The following B4GALT6 variants were observed in gnomAD, a reference collection of about 807,000 sequenced individuals.
B4GALT6 encodes UDP-Gal:beta-GlcNAc beta-1,4-galactosyltransferase 6.
A neutral mutation model predicts 46.3 loss-of-function variants in B4GALT6; 14 were observed. The ratio of observed to expected loss-of-function variants is 0.30; its 90% CI spans 0.20 to 0.47. B4GALT6 has a LOEUF of 0.47. B4GALT6 is among the 20% of genes least tolerant of loss of function. The probability of loss-of-function intolerance (pLI) is 0.99; values close to 1 mark genes in which losing one functional copy is unlikely to be tolerated. For synonymous variants in B4GALT6, 168 were observed against 162.0 expected (o/e 1.04, Z -0.28); for missense variants, 386 against 480.1 (o/e 0.80, Z 1.83).
the B4GALT6 span, among the ~76,000 whole-genome samples, chr18:31,700,026 A>C: frequency 6.6e-6 from 1 of 152,204 alleles, no homozygotes; most frequent in African/African-American, 2.4e-5. Flanking sequence ...AAAACAGGCA[A>C]AACTAATCTA....
chr18:31,671,743 A>C (rs571525995), intron 1 of B4GALT6, among the ~76,000 whole-genome samples: 2 of 152,298 alleles, frequency 1.3e-5, no homozygotes, highest in Admixed American at 1.3e-4. Flanking sequence ...ATTTATAAGA[A>C]ACCCTCATTT....
chr18:31,694,496 G>A, the B4GALT6 span, among the ~76,000 whole-genome samples: 13 of 152,224 alleles, frequency 8.5e-5, no homozygotes, highest in Admixed American at 5.9e-4. Context: ...AAGAACAATC[G>A]CTCAGAGTCT....
intron 3 of B4GALT6, 51 bp from the exon 4 acceptor site, chr18:31,645,530 T>A: frequency 1.3e-6 from 2 of 1,565,442 alleles, no homozygotes; most frequent in Non-Finnish European, 1.7e-6. Context: ...GCCTCAAAGA[T>A]CTAGTAGAAC....
At chr18:31,629,592 G>A (rs1032144981) in intron 6 of B4GALT6, among the ~76,000 whole-genome samples, 65 of 149,822 alleles carry the variant, frequency 4.3e-4, no homozygotes, top group African/African-American at 1.6e-3. Flanking sequence ...GCTCATGCCT[G>A]TAATCCCAGC....
upstream of B4GALT6, chr18:31,684,606 G>C: frequency 1.7e-6 from 2 of 1,200,736 alleles, no homozygotes; most frequent in Non-Finnish European, 2.1e-6. Flanking sequence ...CGGACGGAAT[G>C]AATGGGAGGC....
intron 5 of B4GALT6, among the ~76,000 whole-genome samples, 185 bp from the exon 6 acceptor site, chr18:31,631,331 T>G (rs1215460118): frequency 6.6e-6 from 1 of 151,912 alleles, no homozygotes; most frequent in East Asian, 1.9e-4. Flanking sequence ...GGATTGCAGG[T>G]GTGAGCCACC....
intron 5 of B4GALT6, among the ~76,000 whole-genome samples, chr18:31,636,115 G>GA (rs2073855414): frequency 6.6e-6 from 1 of 152,198 alleles, no homozygotes; most frequent in South Asian, 2.1e-4. Flanking sequence ...ACAACTAAAC[G>GA]AAACTTCACT....
chr18:31,719,954 G>T, the B4GALT6 span, among the ~76,000 whole-genome samples: 1 of 152,206 alleles, frequency 6.6e-6, no homozygotes, highest in Non-Finnish European at 1.5e-5. Flanking sequence ...CAGACTCTTG[G>T]AGCCAGAGGC....
chr18:31,699,274 CTTT>C, the B4GALT6 span, among the ~76,000 whole-genome samples: 12 of 136,302 alleles, frequency 8.8e-5, no homozygotes, highest in Non-Finnish European at 1.1e-4. Flanking sequence ...TTCTTTCTTT[CTTT>C]TTTTTTTTTT....
At chr18:31,678,553 G>A (rs1285944469) in intron 1 of B4GALT6, among the ~76,000 whole-genome samples, 1 of 152,206 alleles carries the variant, frequency 6.6e-6, no homozygotes, top group East Asian at 1.9e-4. Context: ...ATCCTAAGGT[G>A]TACATTTCAG....
intron 5 of B4GALT6, among the ~76,000 whole-genome samples, chr18:31,634,226 C>T (rs2073828349): frequency 6.6e-6 from 1 of 152,166 alleles, no homozygotes. Context: ...CACACAGGTG[C>T]GTCAGCACTC....
At chr18:31,668,054 G>A (rs368361843) in intron 1 of B4GALT6, among the ~76,000 whole-genome samples, 3 of 148,532 alleles carry the variant, frequency 2.0e-5, no homozygotes, top group African/African-American at 2.5e-5. Context: ...CCGAGACTGC[G>A]CCACTGCACT....
intron 1 of B4GALT6, among the ~76,000 whole-genome samples, chr18:31,672,784 T>G (rs1004082980): frequency 2.0e-5 from 3 of 152,164 alleles, no homozygotes; most frequent in Admixed American, 6.5e-5. Flanking sequence ...ACAGAGTTGT[T>G]AGTAAGTGGT....
At position 31,634,200 on chromosome 18, in the gene B4GALT6, C is replaced by T. The variant is rs552793115; in HGVS notation, c.589-3054G>A. Reference sequence around the variant, plus strand: ...CAGCATGCAGATTTACTCAACCCCCCGGTTTTATGCCCTACCACACAGGTG... The same window carrying T: ...CAGCATGCAGATTTACTCAACCCCCTGGTTTTATGCCCTACCACACAGGTG... On this transcript the variant is annotated intron_variant, in intron 5 of 8. Coordinates refer to ENST00000306851, the MANE Select transcript of B4GALT6 (RefSeq NM_004775.5). Among the ~76,000 whole-genome samples the T allele has an allele frequency of 3.9e-5, 6 of 152,276 alleles. No individual in the cohort carries two copies. In the East Asian group the frequency reaches 7.7e-4, roughly 20 times the overall value.
Position 31,623,597 on chromosome 18 carries a change from A to G in B4GALT6, c.*2017T>C, listed in dbSNP as rs1484580524. ...TAAAAACTATGTAATAGAAACAGAA[A>G]ATGAACTAATACACAAATGAAGTAC... On this transcript the variant is annotated 3_prime_UTR_variant, in exon 9 of 9. Coordinates refer to ENST00000306851, the MANE Select transcript of B4GALT6 (RefSeq NM_004775.5). The G allele has an allele frequency of 6.6e-6, 1 of 152,462 alleles. No individual in the cohort carries two copies. The highest frequency in any genetic ancestry group is 1.5e-5 in the Non-Finnish European group (1 of 67,880). The allele number at this position is 152,462 out of a possible 1,614,324, so 9.4% of individuals were successfully genotyped here.
At chr18:31,699,363 C>A in the B4GALT6 span, among the ~76,000 whole-genome samples, 1 of 151,356 alleles carries the variant, frequency 6.6e-6, no homozygotes, top group African/African-American at 2.4e-5. Flanking sequence ...ACCTCCACCT[C>A]CTGGGTTCAA....
the B4GALT6 span, among the ~76,000 whole-genome samples, chr18:31,709,043 A>G: frequency 2.0e-5 from 3 of 152,296 alleles, no homozygotes; most frequent in African/African-American, 7.2e-5. Flanking sequence ...TTCACTCTCT[A>G]GCTGTGTGAC....
chr18:31,708,804 A>G, the B4GALT6 span, among the ~76,000 whole-genome samples: 1 of 152,204 alleles, frequency 6.6e-6, no homozygotes, highest in Admixed American at 6.5e-5. Flanking sequence ...AGAAAAATGC[A>G]AAATGGTGAT....
chr18:31,724,470 C>A, the B4GALT6 span: 1 of 1,014,928 alleles, frequency 9.9e-7, no homozygotes, highest in Non-Finnish European at 1.2e-6. Context: ...CACCCCCGGG[C>A]AGACCCGGGA....
Sources: allele counts gnomAD v4.1 joint callset (sites outside exome capture counted in the v4.1 genomes callset), GRCh38; gene constraint gnomAD v4.1.1; transcripts MANE v1.5; gene names NCBI Gene and HGNC (gene_info 2026-07-23, HGNC 2026-07-21).